Variants in BACH2 observed in about 807,000 individuals in gnomAD.
BACH2 encodes transcription regulator protein BACH2.
A neutral mutation model predicts 61.8 loss-of-function variants in BACH2; 5 were observed. The observed-to-expected ratio is 0.08, with a 90% CI of 0.04 to 0.17. The LOEUF is 0.17. Ranked by LOEUF, BACH2 falls within the 10% of genes least tolerant of loss-of-function variation. The probability of loss-of-function intolerance (pLI) is 1.00; values close to 1 mark genes in which losing one functional copy is unlikely to be tolerated. For synonymous variants in BACH2, 446 were observed against 440.1 expected, an observed-to-expected ratio of 1.01 and a Z score of -0.17; for missense variants, 824 against 1,091.1, an observed-to-expected ratio of 0.76 and a Z score of 3.45.
intron 5 of BACH2, among the ~76,000 whole-genome samples, chr6:90,017,767 T>G (rs1445278926): frequency 1.3e-5 from 2 of 152,242 alleles, no homozygotes; most frequent in Non-Finnish European, 2.9e-5. Flanking sequence ...CCTTGTCTGT[T>G]AATTCTAACA....
At chr6:89,947,418 A>G (rs1043182263) in intron 7 of BACH2, among the ~76,000 whole-genome samples, 1 of 152,142 alleles carries the variant, frequency 6.6e-6, no homozygotes, top group Non-Finnish European at 1.5e-5. Flanking sequence ...TAGGAAAACT[A>G]AGATGTCAAA....
chr6:90,194,849 A>G (rs1463077477), intron 4 of BACH2, among the ~76,000 whole-genome samples: 3 of 152,210 alleles, frequency 2.0e-5, no homozygotes, highest in African/African-American at 7.2e-5. Flanking sequence ...CTGGTAATAA[A>G]TTGGAAAACC....
chr6:90,285,696 A>C (rs569491836), intron 1 of BACH2, among the ~76,000 whole-genome samples: 119 of 152,276 alleles, frequency 7.8e-4, no homozygotes, highest in Non-Finnish European at 1.3e-3. Flanking sequence ...AGCAGTGACC[A>C]CAGATCTGAA....
At chr6:90,107,663 ATTT>A (rs35319113) in intron 4 of BACH2, among the ~76,000 whole-genome samples, 49 of 134,722 alleles carry the variant, frequency 3.6e-4, no homozygotes, top group Admixed American at 5.9e-4. Flanking sequence ...TCTATTTGTG[ATTT>A]TTTTTTTTTT....
intron 6 of BACH2, among the ~76,000 whole-genome samples, chr6:90,004,444 C>CT (rs1477070453): frequency 7.2e-5 from 11 of 152,200 alleles, no homozygotes; most frequent in Admixed American, 6.5e-5. Context: ...GTCCCCTTCT[C>CT]TAGAGGGTAC....
At chr6:90,077,218 A>C (rs1781510902) in intron 5 of BACH2, among the ~76,000 whole-genome samples, 1 of 152,150 alleles carries the variant, frequency 6.6e-6, no homozygotes, top group East Asian at 1.9e-4. Context: ...CCAGAGTCTA[A>C]TTTATCACCT....
At chr6:90,207,457 A>T (rs902285788) in intron 3 of BACH2, among the ~76,000 whole-genome samples, 3 of 152,190 alleles carry the variant, frequency 2.0e-5, no homozygotes, top group African/African-American at 7.2e-5. Context: ...AATATTTTAA[A>T]AATGACTTCA....
intron 7 of BACH2, among the ~76,000 whole-genome samples, chr6:89,947,999 T>C (rs372917140): frequency 3.5e-4 from 54 of 152,184 alleles, no homozygotes; most frequent in African/African-American, 1.3e-3. Context: ...ATTGAGTTAA[T>C]ATTTTTAGTT....
chr6:90,148,384 A>C (rs1320262978), intron 4 of BACH2, among the ~76,000 whole-genome samples: 2 of 152,210 alleles, frequency 1.3e-5, no homozygotes, highest in Non-Finnish European at 2.9e-5. Context: ...AACACATTAA[A>C]AATATGCATG....
intron 6 of BACH2, among the ~76,000 whole-genome samples, chr6:89,976,307 T>C (rs1201517276): frequency 1.3e-5 from 2 of 152,214 alleles, no homozygotes; most frequent in East Asian, 3.8e-4. Flanking sequence ...GCAGGCACAT[T>C]AGCCGCAGGC....
At chr6:89,977,565 TG>T (rs1775720962) in intron 6 of BACH2, among the ~76,000 whole-genome samples, 2 of 152,334 alleles carry the variant, frequency 1.3e-5, no homozygotes, top group South Asian at 4.1e-4. Flanking sequence ...TAAGAACCAC[TG>T]GAGAAGAATA....
chr6:90,174,563 GA>G (rs1407904319), intron 4 of BACH2, among the ~76,000 whole-genome samples: 2 of 151,476 alleles, frequency 1.3e-5, no homozygotes, highest in African/African-American at 2.4e-5. Flanking sequence ...GTTGGAAAGG[GA>G]AAAAAAACTA....
In BACH2 at chr6:89,950,102, G is replaced by T. The variant is rs1562317176; in HGVS notation, c.1836+168C>A. 6.5e-6 allele frequency: 5 copies of T among 766,590 alleles called. No homozygotes were observed. The highest frequency in any genetic ancestry group is 4.4e-6 in the Non-Finnish European group (2 of 454,936). The allele number at this position is 766,590 out of a possible 1,614,324, so 47.5% of individuals were successfully genotyped here. A position where few individuals can be genotyped will look rare whatever the true frequency, so the allele number is the denominator to read the frequency against. ...TTTCTAGGACAGAAGTGGTTAATGT[G>T]GAATCACCTTCAGCATCCTGCCTCT... On this transcript the variant is annotated intron_variant, in intron 7 of 8. Transcript: ENST00000257749. The surrounding 1 kb of genome is among the most constrained non-coding windows in gnomAD (Gnocchi z 5.3).
At chr6:89,949,555 T>C (rs902695245) in intron 7 of BACH2, among the ~76,000 whole-genome samples, 1 of 152,208 alleles carries the variant, frequency 6.6e-6, no homozygotes. Flanking sequence ...ATGGAGCCTC[T>C]GGACATTTTT....
intron 4 of BACH2, among the ~76,000 whole-genome samples, chr6:90,164,763 G>A (rs548879175): frequency 0.014 from 2,204 of 152,106 alleles, 63 homozygotes; most frequent in African/African-American, 0.051. Flanking sequence ...TTCAACATAC[G>A]CAAATCAATA....
intron 3 of BACH2, among the ~76,000 whole-genome samples, chr6:90,228,441 A>G (rs956652623): frequency 1.3e-5 from 2 of 152,240 alleles, no homozygotes; most frequent in Non-Finnish European, 2.9e-5. Flanking sequence ...CATGTATTAA[A>G]ATCATAAAAA....
At chr6:90,003,906 CCT>C (rs545021734) in intron 6 of BACH2, among the ~76,000 whole-genome samples, 243 of 152,310 alleles carry the variant, frequency 1.6e-3, no homozygotes, top group Non-Finnish European at 2.6e-3. Context: ...AGACTTCACC[CCT>C]GTTTCCCACC....
chr6:90,101,437 G>A (rs144563981), intron 4 of BACH2, among the ~76,000 whole-genome samples: 13 of 152,270 alleles, frequency 8.5e-5, no homozygotes, highest in African/African-American at 2.9e-4. Context: ...ATAAGTCCAA[G>A]TTCATTCTTC....
At chr6:90,112,514 G>C (rs1399350788) in intron 4 of BACH2, among the ~76,000 whole-genome samples, 3 of 152,298 alleles carry the variant, frequency 2.0e-5, no homozygotes, top group African/African-American at 7.2e-5. Context: ...AGCTTCCTAA[G>C]TGAAGGAGAA....
Sources: gnomAD v4.1 joint callset for allele counts (sites outside exome capture counted in the v4.1 genomes callset) on GRCh38, gnomAD v4.1.1 for gene constraint, Gnocchi (gnomAD v3.1) non-coding constraint, MANE v1.5 for transcripts, NCBI Gene and HGNC (gene_info 2026-07-23, HGNC 2026-07-21) for gene names.